BRPF3: variants seen among roughly 807,000 people sequenced by gnomAD.
The protein encoded by BRPF3 is bromodomain and PHD finger containing 3.
In BRPF3, 18 loss-of-function variants were observed where a neutral mutation model predicts 102.0. The observed-to-expected ratio is 0.18, with a 90% CI of 0.12 to 0.26. The LOEUF (loss-of-function observed/expected upper bound fraction) is 0.26, where lower values mean the gene tolerates loss of function less well. Ranked by LOEUF, BRPF3 falls within the 10% of genes least tolerant of loss-of-function variation. The pLI, the probability that BRPF3 is intolerant of heterozygous loss-of-function variation, is 1.00. For synonymous variants in BRPF3, 570 were observed against 614.2 expected, an observed-to-expected ratio of 0.93 and a Z score of 1.06; for missense variants, 1,147 against 1,567.8, an observed-to-expected ratio of 0.73 and a Z score of 4.53.
Position 36,211,351 on chromosome 6 carries a change from T to C in BRPF3, c.2273T>C (p.Met758Thr). The change falls in exon 7 of 13, where the codon ATG (methionine) becomes ACG (threonine). Residue 758 changes from methionine to threonine, a missense_variant. Met to Thr is a moderately conservative substitution (Grantham distance 81). Around this residue, in one of 11 missense-constraint regions of BRPF3, gnomAD observed 379 missense variants for 426.3 expected, o/e 0.89. Transcript: ENST00000357641. ...GAGAAACTGGACCTGGTGAGCGCCA[T>C]GCGGTCCAGTGGGGCCCGCACCCGT... ...LLEKLDLVSA[M>T]RSSGARTRRV... 6.2e-7 allele frequency: 1 copy of C among 1,614,246 alleles called. No homozygotes were observed. The highest frequency in any genetic ancestry group is 8.5e-7 in the Non-Finnish European group (1 of 1,180,046).
chr6:36,220,612 T>A (rs1768500882), intron 9 of BRPF3, among the ~76,000 whole-genome samples: 1 of 152,226 alleles, frequency 6.6e-6, no homozygotes, highest in African/African-American at 2.4e-5. Flanking sequence ...CATCTTGACG[T>A]GAACTTTGAG....
chr6:36,222,166 A>G lies in BRPF3; in HGVS notation c.3084-2A>G, dbSNP rs1768569148. 1 of 1,550,104 alleles carries G rather than the reference A, an allele frequency of 6.5e-7. No homozygotes were observed. Among genetic ancestry groups the G allele is most frequent in the Admixed American group, 2.0e-5 (1 of 51,004 alleles). ...ACCCCTCTCTCCCTGCTCTGTGTGC[A>G]GTGGTCTGACGCCCCCCAAACGCAG... On this transcript the variant is annotated splice_acceptor_variant, in intron 9 of 12. Coordinates refer to ENST00000357641, the MANE Select transcript of BRPF3 (RefSeq NM_015695.3). LOFTEE classifies it high-confidence loss of function.
At chr6:36,207,597 T>G (rs1767951312) in intron 4 of BRPF3, among the ~76,000 whole-genome samples, 153 bp downstream of exon 4, 1 of 152,214 alleles carries the variant, frequency 6.6e-6, no homozygotes, top group South Asian at 2.1e-4. Context: ...CTGCCTACTT[T>G]GTATTAGATG....
chr6:36,210,378 C>T lies in BRPF3; in HGVS notation c.2029C>T (p.Arg677Ter), dbSNP rs779537519. 2.5e-6 allele frequency: 4 copies of T among 1,614,224 alleles called. No individual in the cohort carries two copies. The highest frequency in any genetic ancestry group is 2.2e-5 in the East Asian group (1 of 44,884). The change falls in exon 6 of 13, where the codon CGA (arginine) becomes TGA (stop). Residue 677 changes from arginine to a stop codon, truncating the protein, a stop_gained. Coordinates refer to ENST00000357641, the MANE Select transcript of BRPF3 (RefSeq NM_015695.3). LOFTEE classifies it high-confidence loss of function. This position sits in a 1 kb window ranked among gnomAD's most constrained non-coding sequence, Gnocchi z 4.7. ...KYNAKDTIFHRAAVRLRDLGG... is the reference protein window; with the variant it reads ...KYNAKDTIFH Reference sequence around the variant, plus strand: ...TAATGCTAAAGACACAATTTTCCACCGAGCAGCTGTCCGCCTGCGGGACCT... The same window carrying T: ...TAATGCTAAAGACACAATTTTCCACTGAGCAGCTGTCCGCCTGCGGGACCT...
At chr6:36,222,993 G>A (rs999385553) in intron 10 of BRPF3, among the ~76,000 whole-genome samples, 4 of 152,072 alleles carry the variant, frequency 2.6e-5, no homozygotes, top group African/African-American at 4.8e-5. Context: ...ACTGAATCTC[G>A]CACATACATA....
chr6:36,201,483 G>A lies in BRPF3; in HGVS notation c.1161G>A (p.Ser387=), dbSNP rs143631852. The change falls in exon 2 of 13, where the codon TCG becomes TCA. Residue 387 remains serine (S), a synonymous_variant. Coordinates refer to ENST00000357641, the MANE Select transcript of BRPF3 (RefSeq NM_015695.3). This position sits in a 1 kb window ranked among gnomAD's most constrained non-coding sequence, Gnocchi z 5.1. The part of the protein sequence containing the change: ...VRKTAYCEAH[S]PPGAATARRK... ...AGACTGCCTACTGTGAGGCCCACTCGCCACCAGGTGCGGCCACTGCTAGGA... is the reference window on the plus strand; with the variant it reads ...AGACTGCCTACTGTGAGGCCCACTCACCACCAGGTGCGGCCACTGCTAGGA... 62 of 1,614,148 alleles carry A rather than the reference G, an allele frequency of 3.8e-5. No individual in the cohort carries two copies. The African/African-American group carries it at 4.5e-4, about 12-fold the overall frequency.
At chr6:36,204,501 T>A in intron 2 of BRPF3, 157 bp from the exon 3 acceptor site, 1 of 765,650 alleles carries the variant, frequency 1.3e-6, no homozygotes, top group South Asian at 1.6e-5. Context: ...AACTTTACTG[T>A]CCTTTTCAAG....
At chr6:36,208,152 A>G (rs1767970326) in intron 4 of BRPF3, among the ~76,000 whole-genome samples, 3 of 152,248 alleles carry the variant, frequency 2.0e-5, no homozygotes, top group Non-Finnish European at 4.4e-5. Context: ...TGCCTGGCAC[A>G]TAGTAACAGC....
At chr6:36,203,840 G>C (rs993611104) in intron 2 of BRPF3, among the ~76,000 whole-genome samples, 2 of 152,268 alleles carry the variant, frequency 1.3e-5, no homozygotes, top group Non-Finnish European at 2.9e-5. Flanking sequence ...CATCTTATTA[G>C]CTGTATTAGT....
At position 36,226,590 on chromosome 6, in the gene BRPF3, A is replaced by T. The variant is rs9380556; in HGVS notation, c.3279+1226A>T. Among the ~76,000 whole-genome samples, 259 of 152,278 alleles carry T rather than the reference A, an allele frequency of 1.7e-3. 5 individuals carry two copies. In the East Asian group the frequency reaches 0.047, roughly 28 times the overall value. On this transcript the variant is annotated intron_variant, in intron 11 of 12. Transcript: ENST00000357641. The stretch of plus-strand genomic sequence containing the variant: ...AGATGATCTGTAGCCAGGGTTGGGA[A>T]CCACCCCACCAGCCTCTTACATGTA...
intron 1 of BRPF3, among the ~76,000 whole-genome samples, chr6:36,198,765 C>T (rs940461327): frequency 1.3e-5 from 2 of 152,186 alleles, no homozygotes; most frequent in Non-Finnish European, 2.9e-5. Context: ...CACCATGGGG[C>T]CCTGTATCCC....
chr6:36,229,365 G>A (rs990321327), intron 12 of BRPF3, among the ~76,000 whole-genome samples: 6 of 152,242 alleles, frequency 3.9e-5, no homozygotes, highest in African/African-American at 9.6e-5. Context: ...CATCCACTGG[G>A]CACATCTGGA....
Position 36,201,683 on chromosome 6 carries a change from A to G in BRPF3, c.1361A>G (p.Gln454Arg). The G allele has an allele frequency of 1.2e-6, 2 of 1,614,224 alleles. No homozygotes were observed. The highest frequency in any genetic ancestry group is 1.7e-6 in the Non-Finnish European group (2 of 1,180,026). ...VPKKSKMSLKQKIKKEPEEAG... is the reference protein window; with the variant it reads ...VPKKSKMSLKRKIKKEPEEAG... ...AAGAAAAGCAAGATGAGTTTGAAGC[A>G]GAAGATCAAGAAGGAGCCAGAGGAA... Residue 454 changes from glutamine (Q) to arginine (R), a missense_variant, in exon 2 of 13, where the codon CAG (glutamine) becomes CGG (arginine). This residue lies in a region of BRPF3 where 157 missense variants were observed against 163.6 expected (regional missense o/e 0.96). Coordinates refer to ENST00000357641, the MANE Select transcript of BRPF3 (RefSeq NM_015695.3). The surrounding 1 kb of genome is among the most constrained non-coding windows in gnomAD (Gnocchi z 5.1).
intron 9 of BRPF3, among the ~76,000 whole-genome samples, chr6:36,218,461 C>CT (rs547108095): frequency 0.093 from 12,504 of 134,396 alleles, 1,097 homozygotes; most frequent in East Asian, 0.41. Flanking sequence ...TTGGAATTGC[C>CT]TTTTTTTTTT....
chr6:36,212,209 C>T (rs539431015), intron 7 of BRPF3, among the ~76,000 whole-genome samples: 1 of 152,072 alleles, frequency 6.6e-6, no homozygotes, highest in Non-Finnish European at 1.5e-5. Context: ...TCTCAGAAAC[C>T]CAGGAACCTT....
intron 1 of BRPF3, among the ~76,000 whole-genome samples, chr6:36,197,973 C>T (rs531157648): frequency 1.1e-4 from 17 of 152,200 alleles, no homozygotes; most frequent in African/African-American, 3.9e-4. Flanking sequence ...CGCCTGTCTG[C>T]GCTGTTTGGG....
rs776356267 is a variant in BRPF3 at position 36,229,073 on chromosome 6, G to A, written c.3434+17G>A. 9.3e-6 allele frequency: 15 copies of A among 1,612,512 alleles called. No individual in the cohort carries two copies. The South Asian group carries it at 1.6e-4, about 18-fold the overall frequency. The stretch of plus-strand genomic sequence containing the variant: ...GCGCACCTGGTTAGTGGGTGCTGCT[G>A]TGAGGGGGCTGAGGGGCACGCCAGG... On this transcript the variant is annotated intron_variant, in intron 12 of 12. Transcript: ENST00000357641.
chr6:36,215,955 C>G (rs1768315192), intron 8 of BRPF3, among the ~76,000 whole-genome samples: 1 of 152,154 alleles, frequency 6.6e-6, no homozygotes, highest in African/African-American at 2.4e-5. Context: ...CCAGCACTTG[C>G]TTTTCTGTCT....
intron 2 of BRPF3, 41 bp from the exon 3 acceptor site, chr6:36,204,617 C>G: frequency 6.2e-7 from 1 of 1,612,804 alleles, no homozygotes; most frequent in South Asian, 1.1e-5. Context: ...TCTGGGCTGC[C>G]CACTGACCTT....
Sources: gnomAD v4.1 joint callset for allele counts (sites outside exome capture counted in the v4.1 genomes callset) on GRCh38, gnomAD v4.1.1 for gene constraint, gnomAD v4.1.1 regional missense constraint, Gnocchi (gnomAD v3.1) non-coding constraint, MANE v1.5 for transcripts, NCBI Gene and HGNC (gene_info 2026-07-23, HGNC 2026-07-21) for gene names.